IMPG2: variants seen among roughly 807,000 people sequenced by gnomAD.
IMPG2 encodes interphotoreceptor matrix proteoglycan 2.
Under a neutral mutation model 129.2 loss-of-function variants are expected in IMPG2, and 91 were observed. The observed-to-expected ratio is 0.70, with a 90% CI of 0.59 to 0.84. The LOEUF (loss-of-function observed/expected upper bound fraction) is 0.84, where lower values mean the gene tolerates loss of function less well. Ranked by LOEUF, IMPG2 falls within the 40% of genes least tolerant of loss-of-function variation. The pLI is 0.00. For synonymous variants in IMPG2, 510 were observed against 517.7 expected, an observed-to-expected ratio of 0.99 and a Z score of 0.20; for missense variants, 1,430 against 1,461.7, an observed-to-expected ratio of 0.98 and a Z score of 0.35.
Position 101,253,789 on chromosome 3 carries a change from A to G in IMPG2, c.1154-8T>C, listed in dbSNP as rs1161553291. 6.3e-7 allele frequency: 1 copy of G among 1,595,896 alleles called. No individual in the cohort carries two copies. Among genetic ancestry groups the G allele is most frequent in the Non-Finnish European group, 8.6e-7 (1 of 1,166,058 alleles). The stretch of plus-strand genomic sequence containing the variant: ...GACGCAAAACTCCTCTCACTGAGGA[A>G]AGAACAATATTAAAGAACATTTTTA... On this transcript the variant is annotated splice_region_variant and splice_polypyrimidine_tract_variant and intron_variant, in intron 10 of 18. Transcript: ENST00000193391.
rs1364376550 is a variant in IMPG2, at chr3:101,244,520, C to T, written c.1811G>A (p.Gly604Glu). The T allele has an allele frequency of 6.2e-7, 1 of 1,603,564 alleles. No homozygotes were observed. Among genetic ancestry groups the T allele is most frequent in the Non-Finnish European group, 8.5e-7 (1 of 1,174,084 alleles). Residue 604 changes from glycine to glutamate, a missense_variant, in exon 13 of 19, where the codon GGG becomes GAG. Gly to Glu is a moderately conservative substitution (Grantham distance 98). Coordinates refer to ENST00000193391, the MANE Select transcript of IMPG2 (RefSeq NM_016247.4). ...AATCAGATCTACCTTTTGCCCAGAC[C>T]CTGAACCTAAACCACCGTCAAATAT... ...ELIFDGGLGS[G>E]SGQKVDLITW...
In IMPG2 at chr3:101,273,564, T is replaced by C; in HGVS notation, c.828+17A>G. 6.2e-7 allele frequency: 1 copy of C among 1,609,658 alleles called. No homozygotes were observed. The highest frequency in any genetic ancestry group is 8.5e-7 in the Non-Finnish European group (1 of 1,179,622). On this transcript the variant is annotated intron_variant, in intron 7 of 18. Transcript: ENST00000193391. ...AGCAGGCATACTGCCTTGTTTGTTTTTTTTTTAATCACCCACCTCTGAAAT... is the reference window on the plus strand; with the variant it reads ...AGCAGGCATACTGCCTTGTTTGTTTCTTTTTTAATCACCCACCTCTGAAAT...
intron 14 of IMPG2, among the ~76,000 whole-genome samples, chr3:101,235,219 G>A (rs765344692): frequency 2.0e-5 from 3 of 152,178 alleles, no homozygotes; most frequent in Non-Finnish European, 4.4e-5. Flanking sequence ...GTATCACTCC[G>A]AAGGAAAGTG....
chr3:101,251,153 C>G (rs750766358), intron 11 of IMPG2, among the ~76,000 whole-genome samples: 1 of 152,076 alleles, frequency 6.6e-6, no homozygotes, highest in Non-Finnish European at 1.5e-5. Context: ...TCAGACAGAG[C>G]GCATAACCTG....
chr3:101,231,078 T>C lies in IMPG2; in HGVS notation c.3301A>G (p.Ile1101Val). ...ACGGAGGCAATAGTGATGCCTATGA[T>C]CACGGGCTCAGACACAAATTCCTCA... is the stretch of plus-strand genomic sequence containing the variant. Reference protein sequence around the residue: ...HCEEFVSEPVIIGITIASVVG... With the variant: ...HCEEFVSEPVVIGITIASVVG... The change falls in exon 16 of 19, where the codon ATC becomes GTC. Residue 1101 changes from isoleucine (I) to valine (V), a missense_variant. Ile to Val is a conservative substitution (Grantham distance 29). Coordinates refer to ENST00000193391, the MANE Select transcript of IMPG2 (RefSeq NM_016247.4). 6.2e-7 allele frequency: 1 copy of C among 1,614,104 alleles called. No homozygotes were observed. Among genetic ancestry groups the C allele is most frequent in the African/African-American group, 1.3e-5 (1 of 75,012 alleles).
intron 11 of IMPG2, among the ~76,000 whole-genome samples, chr3:101,252,428 G>A (rs868376205): frequency 2.0e-5 from 3 of 151,990 alleles, no homozygotes; most frequent in Non-Finnish European, 1.5e-5. Context: ...GAGTAGTGGC[G>A]CTGTCATCAC....
At chr3:101,297,200 G>A (rs1039395114) in intron 3 of IMPG2, among the ~76,000 whole-genome samples, 3 of 152,146 alleles carry the variant, frequency 2.0e-5, no homozygotes, top group East Asian at 1.9e-4. Flanking sequence ...GAGCCACCAC[G>A]CCCGGCCGGC....
intron 4 of IMPG2, among the ~76,000 whole-genome samples, chr3:101,289,995 A>G (rs1338433164): frequency 6.6e-6 from 1 of 151,482 alleles, no homozygotes; most frequent in African/African-American, 2.4e-5. Context: ...GTAGAAAGAA[A>G]CAGATTTGTG....
At chr3:101,256,878 T>G (rs778817215) in intron 10 of IMPG2, among the ~76,000 whole-genome samples, 2 of 152,086 alleles carry the variant, frequency 1.3e-5, no homozygotes, top group Admixed American at 6.6e-5. Context: ...CCTGATGAGT[T>G]AAGATGCTGC....
intron 8 of IMPG2, 90 bp from the exon 9 acceptor site, chr3:101,267,621 C>G: frequency 9.2e-7 from 1 of 1,087,000 alleles, no homozygotes; most frequent in Non-Finnish European, 1.4e-6. Context: ...TCATGTATTT[C>G]CTCTGAATTT....
At chr3:101,304,453 G>A (rs1707168428) in intron 2 of IMPG2, 141 bp from the exon 3 acceptor site, 1 of 748,330 alleles carries the variant, frequency 1.3e-6, no homozygotes, top group Non-Finnish European at 2.3e-6. Flanking sequence ...CTCAGTCAAA[G>A]GCCTTCTGTA....
intron 8 of IMPG2, 135 bp from the exon 9 acceptor site, chr3:101,267,666 A>G (rs1421001772): frequency 1.3e-6 from 1 of 746,952 alleles, no homozygotes; most frequent in Non-Finnish European, 2.3e-6. Context: ...AATGCTGACA[A>G]ATTCCTATGG....
intron 6 of IMPG2, among the ~76,000 whole-genome samples, chr3:101,274,950 G>A (rs1706825179): frequency 6.6e-6 from 1 of 152,028 alleles, no homozygotes; most frequent in Non-Finnish European, 1.5e-5. Context: ...GCAGAGTGGA[G>A]CGACTTAACC....
intron 3 of IMPG2, among the ~76,000 whole-genome samples, chr3:101,293,542 A>G (rs546148271): frequency 7.0e-4 from 107 of 152,292 alleles, no homozygotes; most frequent in African/African-American, 2.3e-3. Context: ...GGGCCCTAGG[A>G]TTTTTGGCAT....
At chr3:101,293,083 T>A (rs1173456223) in intron 3 of IMPG2, among the ~76,000 whole-genome samples, 1 of 152,188 alleles carries the variant, frequency 6.6e-6, no homozygotes, top group South Asian at 2.1e-4. Flanking sequence ...CAAATCCCTA[T>A]TAATGTTGGT....
intron 4 of IMPG2, among the ~76,000 whole-genome samples, chr3:101,291,009 T>G (rs1707003915): frequency 6.6e-6 from 1 of 152,288 alleles, no homozygotes; most frequent in South Asian, 2.1e-4. Flanking sequence ...GAAACGACCT[T>G]AGCTCTAAGC....
intron 11 of IMPG2, among the ~76,000 whole-genome samples, chr3:101,252,053 G>A (rs560206188): frequency 1.2e-4 from 18 of 152,064 alleles, no homozygotes; most frequent in South Asian, 2.1e-4. Flanking sequence ...AGGAGTTGGC[G>A]TCAATGCAAA....
In IMPG2 at chr3:101,224,672, C is replaced by T. The variant is rs1706202636; in HGVS notation, c.*2297G>A. 1 of 152,208 alleles carries T rather than the reference C, an allele frequency of 6.6e-6. No individual in the cohort carries two copies. Among genetic ancestry groups the T allele is most frequent in the Non-Finnish European group, 1.5e-5 (1 of 68,034 alleles). 9.4% of individuals were successfully genotyped at this position (152,208 alleles called of 1,614,324 possible). A position where few individuals can be genotyped will look rare whatever the true frequency, so the allele number is the denominator to read the frequency against. On this transcript the variant is annotated 3_prime_UTR_variant, in exon 19 of 19. Transcript: ENST00000193391. ...GGATCTTTGCTGGGCAAACTGTGTT[C>T]TTCAACCTTTCAACAGTGGTTCAGC...
At chr3:101,265,181 A>G (rs1317789369) in intron 9 of IMPG2, among the ~76,000 whole-genome samples, 2 of 152,148 alleles carry the variant, frequency 1.3e-5, no homozygotes, top group East Asian at 3.8e-4. Flanking sequence ...TCTTCACAGA[A>G]ATAGAAAAAA....
Sources: gnomAD v4.1 joint callset for allele counts (sites outside exome capture counted in the v4.1 genomes callset) on GRCh38, gnomAD v4.1.1 for gene constraint, MANE v1.5 for transcripts, NCBI Gene and HGNC (gene_info 2026-07-23, HGNC 2026-07-21) for gene names.